Variants in DAPK1 observed in about 807,000 individuals in gnomAD.
DAPK1 encodes the protein death associated protein kinase 1, also known as death-associated protein kinase 1.
In DAPK1, 56 loss-of-function variants were observed where a neutral mutation model predicts 144.9. That is an observed-to-expected ratio of 0.39 (90% confidence interval 0.31 to 0.48). The LOEUF is 0.48. Ranked by LOEUF, DAPK1 falls within the 20% of genes least tolerant of loss-of-function variation. DAPK1 has a pLI of 0.95. For synonymous variants in DAPK1, 690 were observed against 749.0 expected (o/e 0.92, Z 1.29); for missense variants, 1,454 against 1,875.4 (o/e 0.78, Z 4.15).
chr9:87,675,895 A>ACACC (rs1179826339), intron 19 of DAPK1, among the ~76,000 whole-genome samples: 30 of 132,896 alleles, frequency 2.3e-4, no homozygotes, highest in Middle Eastern at 3.7e-3. Flanking sequence ...ACACACACAC[A>ACACC]CCCTTATGAC....
intron 19 of DAPK1, among the ~76,000 whole-genome samples, chr9:87,672,925 C>A (rs1267877401): frequency 6.6e-6 from 1 of 152,122 alleles, no homozygotes; most frequent in Non-Finnish European, 1.5e-5. Context: ...CTTGGGTCAC[C>A]TGGAGGAGGA....
At chr9:87,679,619 A>G (rs530185716) in intron 19 of DAPK1, among the ~76,000 whole-genome samples, 1 of 152,172 alleles carries the variant, frequency 6.6e-6, no homozygotes, top group Non-Finnish European at 1.5e-5. Flanking sequence ...TATCTCCCCA[A>G]GACCATGGAT....
chr9:87,524,177 C>A (rs138370674), intron 2 of DAPK1, among the ~76,000 whole-genome samples: 2 of 152,296 alleles, frequency 1.3e-5, no homozygotes, highest in African/African-American at 4.8e-5. Flanking sequence ...ATGCTCTGGG[C>A]CTCTCCCTGG....
At chr9:87,694,691 T>C (rs1317895029) in intron 21 of DAPK1, among the ~76,000 whole-genome samples, 1 of 152,200 alleles carries the variant, frequency 6.6e-6, no homozygotes, top group Non-Finnish European at 1.5e-5. Flanking sequence ...GTGGGGTCTC[T>C]GTCAATGGGT....
intron 20 of DAPK1, 72 bp downstream of exon 20, chr9:87,681,698 G>T (rs771608079): frequency 3.7e-6 from 3 of 807,098 alleles, no homozygotes; most frequent in African/African-American, 1.7e-5. Flanking sequence ...TCAAGGTCTA[G>T]GGGGGAAGGG....
rs749682571 is a variant in DAPK1, at chr9:87,604,990, A to G, written c.99A>G (p.Lys33=). 37 of 1,613,998 alleles carry G rather than the reference A, an allele frequency of 2.3e-5. No homozygotes were observed. The South Asian group carries it at 3.4e-4, about 15-fold the overall frequency. Residue 33 remains lysine, a synonymous_variant, in exon 3 of 26, where the codon AAA becomes AAG. Transcript: ENST00000408954. ...CGGTTGTGAAGAAATGCCGTGAGAA[A>G]AGCACCGGCCTCCAGTATGCCGCCA... The part of the protein sequence containing the change: ...QFAVVKKCRE[K]STGLQYAAKF...
chr9:87,597,272 C>G (rs1828350194), intron 2 of DAPK1, among the ~76,000 whole-genome samples: 1 of 152,170 alleles, frequency 6.6e-6, no homozygotes, highest in Non-Finnish European at 1.5e-5. Flanking sequence ...TTGGAAGGTG[C>G]TGTCTGCTTC....
At chr9:87,534,247 T>G (rs1035087449) in intron 2 of DAPK1, among the ~76,000 whole-genome samples, 27 of 67,214 alleles carry the variant, frequency 4.0e-4, no homozygotes, top group African/African-American at 4.4e-4. Flanking sequence ...ATTTTGACAG[T>G]TTTTTTTTTT....
intron 18 of DAPK1, among the ~76,000 whole-genome samples, chr9:87,663,588 G>A (rs911525190): frequency 6.6e-5 from 10 of 152,044 alleles, no homozygotes; most frequent in South Asian, 2.1e-4. Flanking sequence ...GAAAGTCCCC[G>A]CGTCCTGCTT....
intron 21 of DAPK1, among the ~76,000 whole-genome samples, chr9:87,689,945 C>G (rs556419997): frequency 6.6e-6 from 1 of 152,158 alleles, no homozygotes; most frequent in Non-Finnish European, 1.5e-5. Context: ...TGAGATGCCT[C>G]TAGCTTTGTT....
At chr9:87,559,787 A>T (rs1826841015) in intron 2 of DAPK1, among the ~76,000 whole-genome samples, 1 of 152,130 alleles carries the variant, frequency 6.6e-6, no homozygotes, top group Non-Finnish European at 1.5e-5. Context: ...GGTGTTGGAA[A>T]GGACTCTGGT....
intron 2 of DAPK1, among the ~76,000 whole-genome samples, chr9:87,552,272 G>T (rs1035054454): frequency 3.9e-5 from 6 of 152,030 alleles, no homozygotes; most frequent in Non-Finnish European, 8.8e-5. Context: ...TACAGCCCAG[G>T]GCTTTCTGTA....
At chr9:87,647,494 A>G in intron 14 of DAPK1, 91 bp downstream of exon 14, 3 of 1,055,664 alleles carry the variant, frequency 2.8e-6, no homozygotes, top group East Asian at 4.8e-5. Flanking sequence ...ATCGGGACCC[A>G]AAGGAAAGGA....
chr9:87,571,238 GCT>G, intron 2 of DAPK1, among the ~76,000 whole-genome samples: 1 of 152,128 alleles, frequency 6.6e-6, no homozygotes, highest in South Asian at 2.1e-4. Flanking sequence ...CCAGGCTTCT[GCT>G]CTCTGTTTCT....
chr9:87,620,903 C>A (rs1190479451), intron 3 of DAPK1, among the ~76,000 whole-genome samples: 1 of 152,186 alleles, frequency 6.6e-6, no homozygotes, highest in Non-Finnish European at 1.5e-5. Context: ...CCGTTTGCCC[C>A]ACTTTTGATT....
rs549739822 is a variant in DAPK1, at chr9:87,704,016, C to T, written c.3060+799C>T. On this transcript the variant is annotated intron_variant, in intron 25 of 25. Coordinates refer to ENST00000408954, the MANE Select transcript of DAPK1 (RefSeq NM_004938.4). ...TGCTTACCTCCCCAATCTCAGGTGCCAGGTCTGGCCCTATAGCCAGTTTGT... is the reference window on the plus strand; with the variant it reads ...TGCTTACCTCCCCAATCTCAGGTGCTAGGTCTGGCCCTATAGCCAGTTTGT... Among the ~76,000 whole-genome samples the T allele has an allele frequency of 3.9e-5, 6 of 152,320 alleles. No homozygotes were observed. The East Asian group carries it at 7.7e-4, about 20-fold the overall frequency.
chr9:87,698,557 C>A (rs36218781), intron 22 of DAPK1, 99 bp from the exon 23 acceptor site: 2 of 730,374 alleles, frequency 2.7e-6, no homozygotes, highest in East Asian at 2.5e-5. Flanking sequence ...CCTGGAGAGT[C>A]GGCCTGGGCA....
At chr9:87,499,269 G>C in intron 2 of DAPK1, 130 bp downstream of exon 2, 3 of 851,342 alleles carry the variant, frequency 3.5e-6, no homozygotes, top group South Asian at 1.6e-5. Context: ...GCAAATCATA[G>C]AGAAAAGAGT....
At position 87,641,838 on chromosome 9, in the gene DAPK1, C is replaced by G; in HGVS notation, c.829-131C>G. On this transcript the variant is annotated intron_variant, in intron 9 of 25. Coordinates refer to ENST00000408954, the MANE Select transcript of DAPK1 (RefSeq NM_004938.4). Reference sequence around the variant, plus strand: ...GGTGCCTAGGTATTCCATGTTATCCCAACTTCTTATGCTAATTTAATAAGG... The same window carrying G: ...GGTGCCTAGGTATTCCATGTTATCCGAACTTCTTATGCTAATTTAATAAGG... 1.9e-5 allele frequency: 13 copies of G among 697,224 alleles called. No individual in the cohort carries two copies. In the South Asian group the frequency reaches 2.5e-4, roughly 14 times the overall value. 43.2% of individuals were successfully genotyped at this position (697,224 alleles called of 1,614,324 possible).
Sources: allele counts gnomAD v4.1 joint callset (sites outside exome capture counted in the v4.1 genomes callset), GRCh38; gene constraint gnomAD v4.1.1; transcripts MANE v1.5; gene names NCBI Gene and HGNC (gene_info 2026-07-23, HGNC 2026-07-21).